The following SLC13A4 variants were observed in gnomAD, a reference collection of about 807,000 sequenced individuals.
SLC13A4 encodes the protein solute carrier family 13 member 4.
A neutral mutation model predicts 72.7 loss-of-function variants in SLC13A4; 28 were observed. The ratio of observed to expected loss-of-function variants is 0.39; its 90% confidence interval spans 0.29 to 0.53. The LOEUF is 0.53. Among genes scored for constraint, SLC13A4 ranks in the 20% least tolerant of loss-of-function variants. SLC13A4 has a pLI of 0.78. For missense variants in SLC13A4, 653 were observed against 788.0 expected, an observed-to-expected ratio of 0.83 and a Z score of 2.05; for synonymous variants, 312 against 325.5, an observed-to-expected ratio of 0.96 and a Z score of 0.45.
At chr7:135,700,677 C>T (rs1796012333) in intron 7 of SLC13A4, among the ~76,000 whole-genome samples, 1 of 152,148 alleles carries the variant, frequency 6.6e-6, no homozygotes, top group South Asian at 2.1e-4. Flanking sequence ...CAGGGTTTCA[C>T]TCTGTTGCCC....
intron 13 of SLC13A4, among the ~76,000 whole-genome samples, chr7:135,687,530 G>A (rs1374077956): frequency 6.6e-6 from 1 of 152,176 alleles, no homozygotes; most frequent in African/African-American, 2.4e-5. Flanking sequence ...TCTCTCTGTT[G>A]TAGCCACTTC....
At chr7:135,705,566 C>T (rs758701203) in intron 5 of SLC13A4, 30 bp downstream of exon 5, 99 of 1,609,242 alleles carry the variant, frequency 6.2e-5, no homozygotes, top group African/African-American at 1.9e-4. Context: ...CTCTGAGAGG[C>T]GCTGTCTGGG....
chr7:135,705,441 TG>T, intron 5 of SLC13A4, 154 bp downstream of exon 5: 1 of 448,898 alleles, frequency 2.2e-6, no homozygotes, highest in Non-Finnish European at 3.7e-6. Flanking sequence ...GGAGAGGAAA[TG>T]GGGGAGGTTG....
At chr7:135,713,464 C>T (rs1796349426) in intron 2 of SLC13A4, among the ~76,000 whole-genome samples, 1 of 152,142 alleles carries the variant, frequency 6.6e-6, no homozygotes, top group Admixed American at 6.5e-5. Flanking sequence ...ACCTCTGTCA[C>T]CAATTTTTTA....
chr7:135,694,532 C>T (rs1399916487), intron 9 of SLC13A4, among the ~76,000 whole-genome samples: 6 of 152,192 alleles, frequency 3.9e-5, no homozygotes, highest in Non-Finnish European at 2.9e-5. Flanking sequence ...GGGGTCATTT[C>T]TACCTACTTG....
chr7:135,690,476 A>G (rs1013188676), intron 13 of SLC13A4, among the ~76,000 whole-genome samples: 1 of 152,130 alleles, frequency 6.6e-6, no homozygotes, highest in Non-Finnish European at 1.5e-5. Flanking sequence ...ACAGTTCACC[A>G]TGTGTCACTT....
intron 5 of SLC13A4, 73 bp downstream of exon 5, chr7:135,705,523 C>T: frequency 1.4e-6 from 2 of 1,426,400 alleles, no homozygotes; most frequent in Non-Finnish European, 2.0e-6. Context: ...GTTTATGGGT[C>T]TAGGTCCCCT....
intron 2 of SLC13A4, among the ~76,000 whole-genome samples, chr7:135,716,697 T>C (rs1796440935): frequency 6.6e-6 from 1 of 152,214 alleles, no homozygotes; most frequent in African/African-American, 2.4e-5. Flanking sequence ...CAATCTTGGA[T>C]TCAAGTCCCA....
chr7:135,692,270 C>G, intron 11 of SLC13A4, 53 bp downstream of exon 11: 1 of 1,291,488 alleles, frequency 7.7e-7, no homozygotes, highest in Non-Finnish European at 1.1e-6. Flanking sequence ...GAAGTCTTGC[C>G]TGAAGAATTG....
chr7:135,706,642 G>A (rs1391615579), intron 3 of SLC13A4, among the ~76,000 whole-genome samples: 3 of 152,314 alleles, frequency 2.0e-5, no homozygotes, highest in East Asian at 1.9e-4. Flanking sequence ...GGAGCTTGGC[G>A]GTGATGTGTG....
intron 6 of SLC13A4, chr7:135,701,964 A>C (rs62479538): frequency 0.038 from 19,521 of 507,164 alleles, 428 homozygotes; most frequent in Middle Eastern, 0.058. Flanking sequence ...CCACTTGAAG[A>C]GGCTTTGAAA....
intron 2 of SLC13A4, among the ~76,000 whole-genome samples, chr7:135,718,088 C>CACACACCCACACACACACACACGT (rs754511549): frequency 6.7e-6 from 1 of 149,560 alleles, no homozygotes; most frequent in African/African-American, 2.5e-5. Context: ...CACACACACA[C>CACACACCCACACACACACACACGT]GCGCGCGCGC....
intron 13 of SLC13A4, among the ~76,000 whole-genome samples, chr7:135,690,501 C>A (rs565782749): frequency 2.4e-4 from 37 of 152,154 alleles, no homozygotes; most frequent in Admixed American, 3.9e-4. Flanking sequence ...CATCTCTGGT[C>A]CCTTACAGAG....
At chr7:135,686,269 GGAGA>G (rs1795620953) in intron 13 of SLC13A4, among the ~76,000 whole-genome samples, 1 of 152,186 alleles carries the variant, frequency 6.6e-6, no homozygotes, top group South Asian at 2.1e-4. Context: ...TCCACTTAGT[GGAGA>G]AGGTGCCTCT....
chr7:135,691,747 A>G, intron 11 of SLC13A4, 102 bp from the exon 12 acceptor site: 1 of 747,586 alleles, frequency 1.3e-6, no homozygotes, highest in South Asian at 1.7e-5. Context: ...TCTTTTTAGG[A>G]CTTATCTAGA....
In SLC13A4 at chr7:135,694,157, A is replaced by T. The variant is rs751194372; in HGVS notation, c.1101T>A (p.Tyr367Ter). The part of the protein sequence containing the change: ...QLSEKRIQEE[Y>*]EKLGDISYPE... ...TTTACCTAATGTCTCCCAGTTTTTC[A>T]TATTCTTCTTGGATCCTCTTCTCTG... Residue 367 changes from tyrosine (Y) to a stop codon, truncating the protein, a stop_gained, in exon 10 of 16, where the codon TAT (tyrosine) becomes TAA (stop). Transcript: ENST00000682651. LOFTEE classifies it high-confidence loss of function. The T allele has an allele frequency of 6.2e-7, 1 of 1,610,328 alleles. No homozygotes were observed. Among genetic ancestry groups the T allele is most frequent in the Non-Finnish European group, 8.5e-7 (1 of 1,176,626 alleles).
At chr7:135,709,415 CT>C (rs367573939) in intron 2 of SLC13A4, among the ~76,000 whole-genome samples, 6 of 54,628 alleles carry the variant, frequency 1.1e-4, no homozygotes, top group Non-Finnish European at 8.5e-5. Flanking sequence ...TCCTTTCTTT[CT>C]TTTTTTTTTA....
intron 13 of SLC13A4, among the ~76,000 whole-genome samples, chr7:135,687,681 A>G (rs1334431666): frequency 6.6e-6 from 1 of 152,346 alleles, no homozygotes; most frequent in South Asian, 2.1e-4. Context: ...CTCTGGTAAC[A>G]CATTAAACCT....
At chr7:135,693,609 A>G (rs1168643619) in intron 10 of SLC13A4, among the ~76,000 whole-genome samples, 1 of 152,210 alleles carries the variant, frequency 6.6e-6, no homozygotes, top group African/African-American at 2.4e-5. Flanking sequence ...CCATAAAAGG[A>G]GAAATAGCAC....
Sources: gnomAD v4.1 joint callset for allele counts (sites outside exome capture counted in the v4.1 genomes callset) on GRCh38, gnomAD v4.1.1 for gene constraint, MANE v1.5 for transcripts, NCBI Gene and HGNC (gene_info 2026-07-23, HGNC 2026-07-21) for gene names.